The following ZZZ3 variants were observed in gnomAD, a reference collection of about 807,000 sequenced individuals.
The protein encoded by ZZZ3 is ZZ-type zinc finger-containing protein 3.
In ZZZ3, 22 loss-of-function variants were observed where a neutral mutation model predicts 95.2. The observed-to-expected ratio is 0.23, with a 90% CI of 0.17 to 0.33. ZZZ3 has a LOEUF of 0.33. Ranked by LOEUF, ZZZ3 falls within the 10% of genes least tolerant of loss-of-function variation. The probability of loss-of-function intolerance (pLI) is 1.00; values close to 1 mark genes in which losing one functional copy is unlikely to be tolerated. For synonymous variants in ZZZ3, 335 were observed against 358.9 expected, an observed-to-expected ratio of 0.93 and a Z score of 0.75; for missense variants, 885 against 1,066.5, an observed-to-expected ratio of 0.83 and a Z score of 2.37.
At chr1:77,573,291 T>G (rs1453055938) in intron 12 of ZZZ3, among the ~76,000 whole-genome samples, 3 of 151,914 alleles carry the variant, frequency 2.0e-5, no homozygotes, top group Non-Finnish European at 4.4e-5. Context: ...AGCTAATTTT[T>G]TTTTTTTTTA....
At chr1:77,606,116 G>A (rs1233106208) in intron 5 of ZZZ3, among the ~76,000 whole-genome samples, 2 of 152,176 alleles carry the variant, frequency 1.3e-5, no homozygotes, top group Non-Finnish European at 2.9e-5. Context: ...CCACTACCCT[G>A]AAGTGTTACT....
At chr1:77,652,738 T>C (rs887373271) in intron 1 of ZZZ3, among the ~76,000 whole-genome samples, 16 of 152,226 alleles carry the variant, frequency 1.1e-4, no homozygotes, top group African/African-American at 3.9e-4. Flanking sequence ...ACAAGGAATA[T>C]CATATCAACA....
intron 3 of ZZZ3, 59 bp downstream of exon 3, chr1:77,641,325 T>C: frequency 2.7e-6 from 1 of 375,090 alleles, no homozygotes; most frequent in Non-Finnish European, 4.7e-6. Context: ...GATTATCCAC[T>C]ACGATATTTA....
chr1:77,566,513 C>T (rs1039502651), intron 13 of ZZZ3, among the ~76,000 whole-genome samples: 2 of 152,120 alleles, frequency 1.3e-5, no homozygotes, highest in Non-Finnish European at 2.9e-5. Flanking sequence ...TGAAAGGTAC[C>T]TCAGACCACT....
chr1:77,611,232 C>CAA (rs142588523), intron 5 of ZZZ3, among the ~76,000 whole-genome samples: 1,244 of 56,998 alleles, frequency 0.022, 23 homozygotes, highest in African/African-American at 0.041. Context: ...AAATACCTAC[C>CAA]AAAAAAAAAA....
In ZZZ3 at chr1:77,618,497, G is replaced by A. The variant is rs538859520; in HGVS notation, c.1505+13353C>T. Among the ~76,000 whole-genome samples, 7 of 152,162 alleles carry A rather than the reference G, an allele frequency of 4.6e-5. No homozygotes were observed. The East Asian group carries it at 1.4e-3, about 29-fold the overall frequency. ...TGTGCAAAAAACATTAATAAAATAA[G>A]AAAAACTAGCCTGTACTGTACAAAG... On this transcript the variant is annotated intron_variant, in intron 5 of 14. Transcript: ENST00000370801.
chr1:77,653,441 T>C (rs887785662), intron 1 of ZZZ3, among the ~76,000 whole-genome samples: 1 of 152,124 alleles, frequency 6.6e-6, no homozygotes, highest in Admixed American at 6.5e-5. Context: ...GTTAAGTGTA[T>C]ATCTCAATGT....
intron 1 of ZZZ3, among the ~76,000 whole-genome samples, chr1:77,669,247 T>TA (rs1671523910): frequency 6.6e-6 from 1 of 152,156 alleles, no homozygotes; most frequent in Admixed American, 6.6e-5. Flanking sequence ...GAACTATAGA[T>TA]ATCAAGTTTC....
Position 77,633,165 on chromosome 1 carries a change from T to TC in ZZZ3, c.189_190insG (p.Asn64GlufsTer2). The TC allele has an allele frequency of 6.2e-7, 1 of 1,614,036 alleles. No homozygotes were observed. Among genetic ancestry groups the TC allele is most frequent in the Non-Finnish European group, 8.5e-7 (1 of 1,180,002 alleles). ...TTTAAATCAGTGGTTCTCCCATTAT[T>TC]ATTTCCTTTCTGAATTGGCACAGGC... On this transcript the variant is annotated frameshift_variant, in exon 5 of 15. Transcript: ENST00000370801. LOFTEE classifies it high-confidence loss of function.
intron 13 of ZZZ3, among the ~76,000 whole-genome samples, chr1:77,567,326 T>C (rs1478158685): frequency 6.6e-6 from 1 of 152,214 alleles, no homozygotes; most frequent in East Asian, 1.9e-4. Flanking sequence ...ACCAGTTTCC[T>C]TGACTCTAGT....
At chr1:77,682,938 C>G (rs531769484), upstream of ZZZ3, among the ~76,000 whole-genome samples, 38 of 152,308 alleles carry the variant, frequency 2.5e-4, no homozygotes, top group African/African-American at 8.7e-4. Context: ...CTGCCCCAGG[C>G]AGCCTCCCTG....
At chr1:77,635,258 A>G (rs1356796204) in intron 4 of ZZZ3, among the ~76,000 whole-genome samples, 1 of 152,234 alleles carries the variant, frequency 6.6e-6, no homozygotes, top group Non-Finnish European at 1.5e-5. Context: ...TGTTGTCTCA[A>G]AGTATGGCAT....
Position 77,644,313 on chromosome 1 carries a change from C to T in ZZZ3, c.-402-2658G>A, listed in dbSNP as rs570091209. 3.3e-5 allele frequency among the ~76,000 whole-genome samples: 5 copies of T among 152,340 alleles called. 1 individual carries two copies. In the South Asian group the frequency reaches 1.0e-3, roughly 32 times the overall value. On this transcript the variant is annotated intron_variant, in intron 1 of 14. Transcript: ENST00000370801. ...ATCCTGACCTCAGGTGATCCACCCA[C>T]CTTGGCCTCCCAAAGTGCTGGGATT...
rs745317608 is a variant in ZZZ3 at position 77,633,099 on chromosome 1, T to C, written c.256A>G (p.Arg86Gly). ...TCCTTTTCTGAAGAAGAAAGTCCTC[T>C]TTTCCTAGGGCTTACCCATGATTCT... ...TRESWVSPRK[R>G]GLSSSEKDNI... The change falls in exon 5 of 15, where the codon AGA (arginine) becomes GGA (glycine). Residue 86 changes from arginine to glycine, a missense_variant. Transcript: ENST00000370801. The C allele has an allele frequency of 3.1e-6, 5 of 1,614,000 alleles. No individual in the cohort carries two copies. The highest frequency in any genetic ancestry group is 3.3e-5 in the Admixed American group (2 of 60,022).
intron 1 of ZZZ3, among the ~76,000 whole-genome samples, chr1:77,672,950 G>A (rs534496531): frequency 6.6e-6 from 1 of 152,074 alleles, no homozygotes; most frequent in South Asian, 2.1e-4. Flanking sequence ...TTTTTAGAAA[G>A]TAGGCTAAAA....
At chr1:77,575,613 T>C (rs537186627) in intron 12 of ZZZ3, among the ~76,000 whole-genome samples, 1 of 152,048 alleles carries the variant, frequency 6.6e-6, no homozygotes, top group Admixed American at 6.5e-5. Flanking sequence ...AACAAAAACA[T>C]TGGGAGAGGG....
At chr1:77,642,765 T>A (rs773261640) in intron 1 of ZZZ3, among the ~76,000 whole-genome samples, 1 of 152,042 alleles carries the variant, frequency 6.6e-6, no homozygotes, top group Non-Finnish European at 1.5e-5. Context: ...AACAAAATTT[T>A]TTTTAATGAA....
chr1:77,606,948 GCATCAAGCCAACA>G (rs1447491174), intron 5 of ZZZ3, among the ~76,000 whole-genome samples: 1 of 152,168 alleles, frequency 6.6e-6, no homozygotes, highest in Non-Finnish European at 1.5e-5. Flanking sequence ...TCTACTACAA[GCATCAAGCCAACA>G]CAGGAAAACA....
At chr1:77,660,859 T>C (rs971576399) in intron 1 of ZZZ3, among the ~76,000 whole-genome samples, 2 of 152,246 alleles carry the variant, frequency 1.3e-5, no homozygotes, top group Non-Finnish European at 1.5e-5. Context: ...GACTAATTTC[T>C]ATTTCTTCCA....
Sources: allele counts gnomAD v4.1 joint callset (sites outside exome capture counted in the v4.1 genomes callset), GRCh38; gene constraint gnomAD v4.1.1; transcripts MANE v1.5; gene names NCBI Gene and HGNC (gene_info 2026-07-23, HGNC 2026-07-21).